LTBP1: variants seen among roughly 807,000 people sequenced by gnomAD.
LTBP1 encodes latent-transforming growth factor beta-binding protein 1.
A neutral mutation model predicts 207.6 loss-of-function variants in LTBP1; 129 were observed. The ratio of observed to expected loss-of-function variants is 0.62; its 90% CI spans 0.54 to 0.72. The LOEUF (loss-of-function observed/expected upper bound fraction) is 0.72. LTBP1 is among the 30% of genes least tolerant of loss of function. LTBP1 has a pLI of 0.00. For synonymous variants in LTBP1, 963 were observed against 833.7 expected (o/e 1.16, Z -2.67); for missense variants, 2,281 against 2,217.2 (o/e 1.03, Z -0.58).
intron 3 of LTBP1, among the ~76,000 whole-genome samples, chr2:33,087,394 A>G (rs10490451): frequency 0.05 from 7,567 of 151,976 alleles, 611 homozygotes; most frequent in East Asian, 0.34. Flanking sequence ...TACCTTTACC[A>G]CTGTTGCACT....
At chr2:33,259,175 C>G (rs905147325) in intron 12 of LTBP1, among the ~76,000 whole-genome samples, 4 of 152,188 alleles carry the variant, frequency 2.6e-5, no homozygotes, top group African/African-American at 9.7e-5. Context: ...TAACACTTGA[C>G]ACCAGAAAGC....
intron 5 of LTBP1, among the ~76,000 whole-genome samples, chr2:33,148,801 C>A (rs2083264000): frequency 6.6e-6 from 1 of 152,176 alleles, no homozygotes; most frequent in South Asian, 2.1e-4. Flanking sequence ...TTTTGCACCC[C>A]CACCTAAGAG....
chr2:32,993,486 C>A (rs1455238553), intron 2 of LTBP1, among the ~76,000 whole-genome samples: 2 of 152,178 alleles, frequency 1.3e-5, no homozygotes, highest in Non-Finnish European at 2.9e-5. Flanking sequence ...CTGTTAGTTT[C>A]CTCAGAAAGA....
intron 2 of LTBP1, among the ~76,000 whole-genome samples, chr2:32,997,052 T>G (rs1029375836): frequency 6.6e-6 from 1 of 152,062 alleles, no homozygotes; most frequent in Non-Finnish European, 1.5e-5. Context: ...GCCTGGCTAA[T>G]TTTTGTATTT....
chr2:33,320,396 GA>G (rs57890814), intron 24 of LTBP1, among the ~76,000 whole-genome samples: 2,455 of 124,656 alleles, frequency 0.02, 22 homozygotes, highest in East Asian at 0.029. Flanking sequence ...TAAACTCTGT[GA>G]AAAAAAAAAA....
chr2:32,951,429 A>C (rs1240477789), intron 2 of LTBP1, among the ~76,000 whole-genome samples: 1 of 152,214 alleles, frequency 6.6e-6, no homozygotes, highest in African/African-American at 2.4e-5. Flanking sequence ...CTTACTTTGC[A>C]TGTGTCTGGG....
intron 3 of LTBP1, among the ~76,000 whole-genome samples, chr2:33,067,280 A>T (rs945125082): frequency 5.9e-5 from 9 of 152,272 alleles, no homozygotes; most frequent in African/African-American, 2.2e-4. Flanking sequence ...AATGAATTCA[A>T]CATAAAACTA....
At chr2:33,127,129 A>T (rs905692897) in intron 4 of LTBP1, among the ~76,000 whole-genome samples, 1 of 152,224 alleles carries the variant, frequency 6.6e-6, no homozygotes, top group Admixed American at 6.5e-5. Context: ...CCTTAGAGGC[A>T]CATCAAGACA....
chr2:32,957,711 G>A (rs190101905), intron 2 of LTBP1, among the ~76,000 whole-genome samples: 1 of 152,240 alleles, frequency 6.6e-6, no homozygotes, highest in Admixed American at 6.5e-5. Flanking sequence ...GGAAAATATT[G>A]CCAGTAGACT....
chr2:32,999,350 C>T (rs1480523800), intron 2 of LTBP1, among the ~76,000 whole-genome samples: 2 of 152,202 alleles, frequency 1.3e-5, no homozygotes, highest in Non-Finnish European at 2.9e-5. Flanking sequence ...GCCTTGCCTC[C>T]ATCCAAGGTG....
chr2:33,088,758 C>T (rs1396831364), intron 3 of LTBP1, among the ~76,000 whole-genome samples: 2 of 151,432 alleles, frequency 1.3e-5, no homozygotes, highest in Non-Finnish European at 3.0e-5. Flanking sequence ...ATGAGTGAAA[C>T]TAAAATTCAA....
chr2:33,241,494 G>A (rs2092321045), intron 9 of LTBP1, among the ~76,000 whole-genome samples: 1 of 152,174 alleles, frequency 6.6e-6, no homozygotes, highest in Admixed American at 6.5e-5. Context: ...TTATGAGTCT[G>A]GGGGGAAACC....
intron 9 of LTBP1, among the ~76,000 whole-genome samples, chr2:33,225,040 A>G (rs573505866): frequency 6.6e-5 from 10 of 152,264 alleles, no homozygotes; most frequent in South Asian, 6.2e-4. Context: ...GTAAATTTCT[A>G]TCAGTCTAGA....
intron 2 of LTBP1, among the ~76,000 whole-genome samples, chr2:32,985,217 C>A (rs923886287): frequency 6.6e-6 from 1 of 152,102 alleles, no homozygotes; most frequent in Non-Finnish European, 1.5e-5. Context: ...AGATCTTTAT[C>A]AATTGGTGGG....
At chr2:33,158,149 A>AC (rs1491152428) in intron 5 of LTBP1, among the ~76,000 whole-genome samples, 87 of 43,472 alleles carry the variant, frequency 2.0e-3, no homozygotes, top group East Asian at 6.1e-3. Flanking sequence ...AAAAAAAAAC[A>AC]AAAAAAAAAA....
intron 11 of LTBP1, among the ~76,000 whole-genome samples, chr2:33,256,623 A>G (rs2092859050): frequency 6.6e-6 from 1 of 150,778 alleles, no homozygotes; most frequent in Admixed American, 6.6e-5. Flanking sequence ...TATATAATAC[A>G]TATAGTGTCT....
chr2:33,290,598 A>C (rs1347727376), intron 19 of LTBP1, among the ~76,000 whole-genome samples: 11 of 152,264 alleles, frequency 7.2e-5, no homozygotes, highest in Admixed American at 7.2e-4. Flanking sequence ...CTGTGGCAGT[A>C]ACTCGGGTGA....
chr2:33,341,471 G>T (rs2094619279), intron 24 of LTBP1, among the ~76,000 whole-genome samples: 1 of 151,946 alleles, frequency 6.6e-6, no homozygotes, highest in Non-Finnish European at 1.5e-5. Context: ...CAGCACTTTG[G>T]AAGGCCGAGG....
At chr2:33,259,368 A>G (rs1159907814) in intron 12 of LTBP1, among the ~76,000 whole-genome samples, 4 of 152,206 alleles carry the variant, frequency 2.6e-5, no homozygotes, top group Non-Finnish European at 4.4e-5. Flanking sequence ...CATCTTCTCC[A>G]TGTGCTCCAG....
Sources: allele counts gnomAD v4.1 joint callset (sites outside exome capture counted in the v4.1 genomes callset), GRCh38; gene constraint gnomAD v4.1.1; transcripts MANE v1.5; gene names NCBI Gene and HGNC (gene_info 2026-07-23, HGNC 2026-07-21).